SPECC1L: variants seen among roughly 807,000 people sequenced by gnomAD.
The protein encoded by SPECC1L is cytospin-A.
Under a neutral mutation model 116.8 loss-of-function variants are expected in SPECC1L, and 40 were observed. The ratio of observed to expected loss-of-function variants is 0.34; its 90% CI spans 0.27 to 0.45. SPECC1L has a LOEUF of 0.45. Ranked by LOEUF, SPECC1L falls within the 20% of genes least tolerant of loss-of-function variation. The probability of loss-of-function intolerance (pLI) is 1.00; values close to 1 mark genes in which losing one functional copy is unlikely to be tolerated. For missense variants in SPECC1L, 1,110 were observed against 1,373.6 expected (o/e 0.81, Z 3.03); for synonymous variants, 504 against 500.6 (o/e 1.01, Z -0.09).
intron 14 of SPECC1L, among the ~76,000 whole-genome samples, chr22:24,375,207 C>G (rs946794091): frequency 6.6e-6 from 1 of 152,024 alleles, no homozygotes; most frequent in African/African-American, 2.4e-5. Flanking sequence ...CAAAGAGAAG[C>G]CCAGGACCAG....
At chr22:24,345,649 C>A (rs1391809218) in intron 10 of SPECC1L, among the ~76,000 whole-genome samples, 1 of 152,134 alleles carries the variant, frequency 6.6e-6, no homozygotes, top group Admixed American at 6.5e-5. Flanking sequence ...GCCAATGGCA[C>A]ATGAAAAGAT....
intron 14 of SPECC1L, among the ~76,000 whole-genome samples, chr22:24,405,990 CT>C (rs2042584149): frequency 6.6e-6 from 1 of 152,160 alleles, no homozygotes; most frequent in East Asian, 1.9e-4. Context: ...GCTCAGACCC[CT>C]GTCCGCAAGC....
rs1201117791 is a variant in SPECC1L at position 24,415,751 on chromosome 22, A to G, written c.*1128A>G. 9 of 151,946 alleles carry G rather than the reference A, an allele frequency of 5.9e-5. No homozygotes were observed. Among genetic ancestry groups the G allele is most frequent in the African/African-American group, 1.7e-4 (7 of 41,350 alleles). The allele number at this position is 151,946 out of a possible 1,614,324, so 9.4% of individuals were successfully genotyped here. A position where few individuals can be genotyped will look rare whatever the true frequency, so the allele number is the denominator to read the frequency against. On this transcript the variant is annotated 3_prime_UTR_variant, in exon 17 of 17. Coordinates refer to ENST00000314328, the MANE Select transcript of SPECC1L (RefSeq NM_015330.6). ...AGTGGTTGAGTTGTCTCCTACCACC[A>G]TGCCCGCCCTCCCCAGGTACTGGGT...
At chr22:24,342,672 C>CAA (rs35947804) in intron 10 of SPECC1L, among the ~76,000 whole-genome samples, 1,796 of 102,108 alleles carry the variant, frequency 0.018, 46 homozygotes, top group African/African-American at 0.061. Flanking sequence ...GACTCCATCT[C>CAA]AAAAAAAAAA....
intron 14 of SPECC1L, among the ~76,000 whole-genome samples, chr22:24,404,353 C>T (rs146066871): frequency 4.4e-4 from 67 of 152,300 alleles, no homozygotes; most frequent in Middle Eastern, 6.8e-3. Flanking sequence ...GTCAGCACCA[C>T]CAAGCACCTT....
intron 8 of SPECC1L, among the ~76,000 whole-genome samples, chr22:24,330,744 G>A (rs1216324632): frequency 6.6e-6 from 1 of 152,138 alleles, no homozygotes; most frequent in African/African-American, 2.4e-5. Flanking sequence ...GTAGCCTCAT[G>A]ATTAATGATG....
At position 24,411,792 on chromosome 22, in the gene SPECC1L, A is replaced by G. The variant is rs568426705; in HGVS notation, c.3204+88A>G. The G allele has an allele frequency of 1.3e-4, 144 of 1,089,530 alleles. No individual in the cohort carries two copies. The African/African-American group carries it at 1.8e-3, about 14-fold the overall frequency. 67.5% of individuals were successfully genotyped at this position (1,089,530 alleles called of 1,614,324 possible). A position where few individuals can be genotyped will look rare whatever the true frequency, so the allele number is the denominator to read the frequency against. On this transcript the variant is annotated intron_variant, in intron 15 of 16. Transcript: ENST00000314328. Reference sequence around the variant, plus strand: ...GGCAGCACCTGCCTCAGCAGGTCACATGCCACAGCGCTGGCTTGCGATTGC... The same window carrying G: ...GGCAGCACCTGCCTCAGCAGGTCACGTGCCACAGCGCTGGCTTGCGATTGC...
chr22:24,383,134 C>G (rs895747644), intron 14 of SPECC1L, among the ~76,000 whole-genome samples: 3 of 152,164 alleles, frequency 2.0e-5, no homozygotes, highest in Non-Finnish European at 4.4e-5. Flanking sequence ...GAATTATGTC[C>G]TACAAATAAA....
In SPECC1L at chr22:24,287,447, C is replaced by T. The variant is rs552954325; in HGVS notation, c.-38+10644C>T. On this transcript the variant is annotated intron_variant, in intron 2 of 16. Transcript: ENST00000314328. Reference sequence around the variant, plus strand: ...AGAGTTGTCCAGCTGGACTTCTTCCCTGACACAGACAGGCTGGCATAGGAT... The same window carrying T: ...AGAGTTGTCCAGCTGGACTTCTTCCTTGACACAGACAGGCTGGCATAGGAT... 4.6e-3 allele frequency among the ~76,000 whole-genome samples: 695 copies of T among 152,244 alleles called. 2 individuals carry two copies. The highest frequency in any genetic ancestry group is 7.9e-3 in the Non-Finnish European group (534 of 68,006).
intron 2 of SPECC1L, among the ~76,000 whole-genome samples, chr22:24,300,264 A>G (rs1017192350): frequency 6.6e-6 from 1 of 152,158 alleles, no homozygotes; most frequent in Admixed American, 6.5e-5. Context: ...TTTGCTGAGG[A>G]TGATGGCTTC....
At chr22:24,327,299 AAAAC>A (rs2040846367) in intron 6 of SPECC1L, among the ~76,000 whole-genome samples, 1 of 151,096 alleles carries the variant, frequency 6.6e-6, no homozygotes, top group South Asian at 2.1e-4. Context: ...AAAAAAAAAA[AAAAC>A]ATCAGAACAC....
intron 13 of SPECC1L, among the ~76,000 whole-genome samples, chr22:24,368,650 T>TTTA (rs1224598046): frequency 6.6e-6 from 1 of 152,052 alleles, no homozygotes; most frequent in African/African-American, 2.4e-5. Flanking sequence ...GTTATTTTAT[T>TTTA]TTATTATTAT....
At chr22:24,347,232 G>T in intron 11 of SPECC1L, 56 bp downstream of exon 11, 1 of 1,350,712 alleles carries the variant, frequency 7.4e-7, no homozygotes, top group Admixed American at 1.7e-5. Flanking sequence ...AATTGTTCTG[G>T]CTTTTTTGGC....
chr22:24,365,209 T>G (rs1284880718), intron 12 of SPECC1L, among the ~76,000 whole-genome samples: 1 of 152,192 alleles, frequency 6.6e-6, no homozygotes, highest in Admixed American at 6.5e-5. Flanking sequence ...GATTTCACCA[T>G]GTTGGCCAGG....
chr22:24,282,403 C>T (rs1047086645), intron 2 of SPECC1L, among the ~76,000 whole-genome samples: 1 of 152,188 alleles, frequency 6.6e-6, no homozygotes, highest in African/African-American at 2.4e-5. Flanking sequence ...GAAGTTAGTT[C>T]AGTCTACACC....
At position 24,322,633 on chromosome 22, in the gene SPECC1L, G is replaced by A. The variant is rs143810123; in HGVS notation, c.1653G>A (p.Glu551=). The change falls in exon 5 of 17, where the codon GAG becomes GAA. Residue 551 remains glutamate, a synonymous_variant. Coordinates refer to ENST00000314328, the MANE Select transcript of SPECC1L (RefSeq NM_015330.6). Reference sequence around the variant, plus strand: ...ATATGGAGCGAATTATTGAGTCTGAGCAGAAAGGAAAAGCAGCCTTGGCAG... The same window carrying A: ...ATATGGAGCGAATTATTGAGTCTGAACAGAAAGGAAAAGCAGCCTTGGCAG... ...SHHMERIIES[E]QKGKAALAAT... The A allele has an allele frequency of 4.3e-5, 70 of 1,614,032 alleles. No homozygotes were observed. The African/African-American group carries it at 8.8e-4, about 20-fold the overall frequency.
At chr22:24,317,609 G>A (rs2040617936) in intron 4 of SPECC1L, among the ~76,000 whole-genome samples, 1 of 150,316 alleles carries the variant, frequency 6.7e-6, no homozygotes, top group Admixed American at 6.6e-5. Context: ...CCGGGCGGGG[G>A]GCTGATCCCC....
At chr22:24,405,987 C>A (rs145902226) in intron 14 of SPECC1L, among the ~76,000 whole-genome samples, 1 of 152,116 alleles carries the variant, frequency 6.6e-6, no homozygotes, top group Admixed American at 6.5e-5. Context: ...CTGGCTCAGA[C>A]CCCTGTCCGC....
At chr22:24,337,983 T>A (rs1001152878) in intron 9 of SPECC1L, among the ~76,000 whole-genome samples, 2 of 152,220 alleles carry the variant, frequency 1.3e-5, no homozygotes, top group African/African-American at 4.8e-5. Flanking sequence ...TTCCTCATTC[T>A]TTTGTTTAAT....
Sources: gnomAD v4.1 joint callset for allele counts (sites outside exome capture counted in the v4.1 genomes callset) on GRCh38, gnomAD v4.1.1 for gene constraint, MANE v1.5 for transcripts, NCBI Gene and HGNC (gene_info 2026-07-23, HGNC 2026-07-21) for gene names.